SCRN3: variants seen among roughly 807,000 people sequenced by gnomAD.
The protein encoded by SCRN3 is secernin-3.
SCRN3 carries 39 observed loss-of-function variants against 43.1 expected under a neutral mutation model. That is an observed-to-expected ratio of 0.91 (90% CI 0.70 to 1.18). The LOEUF is 1.18. SCRN3 is among the 50% of genes most tolerant of loss of function. The probability of loss-of-function intolerance (pLI) is 0.00; values close to 1 mark genes in which losing one functional copy is unlikely to be tolerated. For missense variants in SCRN3, 484 were observed against 498.0 expected, an observed-to-expected ratio of 0.97 and a Z score of 0.27; for synonymous variants, 147 against 163.1, an observed-to-expected ratio of 0.90 and a Z score of 0.75.
chr2:174,395,956 T>A, intron 1 of SCRN3, 139 bp downstream of exon 1: 1 of 1,400,510 alleles, frequency 7.1e-7, no homozygotes, highest in Non-Finnish European at 9.3e-7. Context: ...AGGGCCGGGG[T>A]GCGGGGTGGA....
chr2:174,398,296 T>G lies in SCRN3; in HGVS notation c.13T>G (p.Ser5Ala). 3.2e-6 allele frequency: 5 copies of G among 1,576,602 alleles called. No individual in the cohort carries two copies. The highest frequency in any genetic ancestry group is 4.3e-6 in the Non-Finnish European group (5 of 1,168,398). The change falls in exon 2 of 8, where the codon TCC (serine) becomes GCC (alanine). Residue 5 changes from serine (S) to alanine (A), a missense_variant. Ser to Ala is a moderately conservative substitution (Grantham distance 99). Coordinates refer to ENST00000272732, the MANE Select transcript of SCRN3 (RefSeq NM_024583.5). The part of the protein sequence containing the change: MEPF[S>A]CDTFVALPPA... ...TTAGTTAAAAAAAATGGAACCTTTT[T>G]CCTGTGACACTTTCGTGGCATTACC...
chr2:174,423,813 C>T (rs1378896995), intron 6 of SCRN3, among the ~76,000 whole-genome samples: 23 of 125,438 alleles, frequency 1.8e-4, no homozygotes, highest in African/African-American at 7.4e-4. Context: ...TGACACAGGG[C>T]CTTGCTCTGT....
chr2:174,404,424 T>G, intron 5 of SCRN3, 109 bp downstream of exon 5: 1 of 716,026 alleles, frequency 1.4e-6, no homozygotes, highest in Non-Finnish European at 2.2e-6. Flanking sequence ...AAAAATATTG[T>G]TCTATTAAAA....
Position 174,429,181 on chromosome 2 carries a change from A to G in SCRN3, c.*1286A>G, listed in dbSNP as rs1316244619. The G allele has an allele frequency of 6.6e-6, 1 of 152,144 alleles. No homozygotes were observed. Among genetic ancestry groups the G allele is most frequent in the Non-Finnish European group, 1.5e-5 (1 of 68,028 alleles). 9.4% of individuals were successfully genotyped at this position (152,144 alleles called of 1,614,324 possible). On this transcript the variant is annotated 3_prime_UTR_variant, in exon 8 of 8. Transcript: ENST00000272732. ...AGTGATAGGCTGTCTTCTAACCCCT[A>G]TACTCCTCTTCTCTCCTTTAATAGA...
At chr2:174,396,293 G>A in intron 1 of SCRN3, 2 of 988,218 alleles carry the variant, frequency 2.0e-6, no homozygotes, top group East Asian at 1.1e-4. Flanking sequence ...GTTAGGAGTT[G>A]GTAAAATCTC....
intron 1 of SCRN3, chr2:174,396,111 T>A: frequency 9.8e-7 from 1 of 1,021,328 alleles, no homozygotes; most frequent in Non-Finnish European, 1.2e-6. Flanking sequence ...CGTAGTATGC[T>A]TGCGAGAATC....
chr2:174,424,419 A>G, intron 6 of SCRN3, 56 bp from the exon 7 acceptor site: 1 of 1,244,262 alleles, frequency 8.0e-7, no homozygotes, highest in South Asian at 1.5e-5. Context: ...ACTTAGACTA[A>G]CACTGAATAT....
intron 1 of SCRN3, 36 bp from the exon 2 acceptor site, chr2:174,398,238 TG>T: frequency 7.7e-7 from 1 of 1,295,818 alleles, no homozygotes. Flanking sequence ...TACTTAAAAG[TG>T]TTCTTTTTAT....
intron 5 of SCRN3, among the ~76,000 whole-genome samples, chr2:174,404,620 C>T (rs1404007768): frequency 9.0e-6 from 1 of 111,138 alleles, no homozygotes; most frequent in Non-Finnish European, 1.8e-5. Context: ...CCCCACCCCA[C>T]CACAGTCCCC....
chr2:174,423,176 G>T (rs1686355998), intron 6 of SCRN3, 129 bp downstream of exon 6: 9 of 651,646 alleles, frequency 1.4e-5, no homozygotes, highest in African/African-American at 3.6e-5. Flanking sequence ...TATATTTTCT[G>T]TTCAGGCTTT....
chr2:174,427,502 A>G (rs1427731162), intron 7 of SCRN3, among the ~76,000 whole-genome samples: 1 of 152,160 alleles, frequency 6.6e-6, no homozygotes, highest in Non-Finnish European at 1.5e-5. Context: ...TTCTACTAAA[A>G]ATAATTTGGT....
chr2:174,405,936 T>C (rs1201067700), intron 5 of SCRN3, among the ~76,000 whole-genome samples: 1 of 141,142 alleles, frequency 7.1e-6, no homozygotes, highest in Non-Finnish European at 1.6e-5. Context: ...GACTTGGCGA[T>C]GCGGGCTCTT....
chr2:174,402,280 C>G (rs554920164), intron 4 of SCRN3, among the ~76,000 whole-genome samples: 18 of 152,262 alleles, frequency 1.2e-4, no homozygotes, highest in African/African-American at 4.3e-4. Context: ...AAATGAACAC[C>G]TTCATTGGGT....
chr2:174,396,110 C>T (rs1173467458), intron 1 of SCRN3: 2 of 1,023,632 alleles, frequency 2.0e-6, no homozygotes, highest in Admixed American at 4.3e-5. Flanking sequence ...CCGTAGTATG[C>T]TTGCGAGAAT....
At chr2:174,409,538 C>A (rs1685822411) in intron 5 of SCRN3, among the ~76,000 whole-genome samples, 1 of 145,584 alleles carries the variant, frequency 6.9e-6, no homozygotes, top group South Asian at 2.2e-4. Context: ...AGACGCTCTG[C>A]GTTTTAGAGT....
Position 174,428,116 on chromosome 2 carries a change from G to T in SCRN3, c.*221G>T. On this transcript the variant is annotated 3_prime_UTR_variant, in exon 8 of 8. Coordinates refer to ENST00000272732, the MANE Select transcript of SCRN3 (RefSeq NM_024583.5). ...TGGATTCATGTATCGTGGGATACAG[G>T]TGTTATTTCAGGTGATGTACTTGCA... 3.1e-6 allele frequency: 1 copy of T among 319,010 alleles called. No individual in the cohort carries two copies. The highest frequency in any genetic ancestry group is 5.8e-6 in the Non-Finnish European group (1 of 173,356). The allele number at this position is 319,010 out of a possible 1,614,324, so 19.8% of individuals were successfully genotyped here.
chr2:174,396,088 T>A, intron 1 of SCRN3: 1 of 1,140,676 alleles, frequency 8.8e-7, no homozygotes, highest in Non-Finnish European at 1.1e-6. Flanking sequence ...AAGATAATAA[T>A]TCCGGCCCTA....
At chr2:174,396,008 C>G (rs2105548574) in intron 1 of SCRN3, 191 bp downstream of exon 1, 1 of 1,352,102 alleles carries the variant, frequency 7.4e-7, no homozygotes, top group African/African-American at 1.5e-5. Context: ...AGCTCGAGCC[C>G]ATTACTTTCT....
At chr2:174,400,875 C>T (rs1685484498) in intron 3 of SCRN3, 115 bp from the exon 4 acceptor site, 1 of 861,632 alleles carries the variant, frequency 1.2e-6, no homozygotes, top group Non-Finnish European at 1.7e-6. Flanking sequence ...GTCATTTCAT[C>T]TGTTAACTTG....
Sources: gnomAD v4.1 joint callset for allele counts (sites outside exome capture counted in the v4.1 genomes callset) on GRCh38, gnomAD v4.1.1 for gene constraint, MANE v1.5 for transcripts, NCBI Gene and HGNC (gene_info 2026-07-23, HGNC 2026-07-21) for gene names.